ELAPOR1: variants seen among roughly 807,000 people sequenced by gnomAD.
The protein encoded by ELAPOR1 is endosome/lysosome-associated apoptosis and autophagy regulator 1.
In ELAPOR1, 77 loss-of-function variants were observed where a neutral mutation model predicts 119.7. The observed-to-expected ratio is 0.64, with a 90% confidence interval of 0.54 to 0.78. The LOEUF is 0.78. ELAPOR1 is among the 30% of genes least tolerant of loss of function. ELAPOR1 has a pLI of 0.00. For missense variants in ELAPOR1, 1,115 were observed against 1,270.4 expected (o/e 0.88, Z 1.86); for synonymous variants, 481 against 487.2 (o/e 0.99, Z 0.17).
intron 1 of ELAPOR1, among the ~76,000 whole-genome samples, chr1:109,150,445 G>A (rs1490628142): frequency 1.3e-5 from 2 of 152,214 alleles, no homozygotes; most frequent in Admixed American, 6.5e-5. Flanking sequence ...AGGCCGGCAG[G>A]ACTGGGGTCC....
Position 109,169,982 on chromosome 1 carries a change from T to C in ELAPOR1, c.468-1884T>C, listed in dbSNP as rs562161310. Among the ~76,000 whole-genome samples, 20 of 152,280 alleles carry C rather than the reference T, an allele frequency of 1.3e-4. No individual in the cohort carries two copies. The South Asian group carries it at 3.9e-3, about 30-fold the overall frequency. ...TATATGGCAGAGCCGTACAAAGGAA[T>C]GTTATGCAGTAGTAAAGACGAAGCC... On this transcript the variant is annotated intron_variant, in intron 3 of 21. Coordinates refer to ENST00000369939, the MANE Select transcript of ELAPOR1 (RefSeq NM_020775.5).
At chr1:109,182,006 C>T (rs1419456323) in intron 7 of ELAPOR1, among the ~76,000 whole-genome samples, 1 of 152,070 alleles carries the variant, frequency 6.6e-6, no homozygotes, top group Non-Finnish European at 1.5e-5. Flanking sequence ...ACCTTTAATC[C>T]TTATTCACTC....
intron 3 of ELAPOR1, among the ~76,000 whole-genome samples, chr1:109,167,734 C>T (rs10159093): frequency 0.14 from 21,921 of 152,160 alleles, 1,751 homozygotes; most frequent in Middle Eastern, 0.23. Context: ...CTCAACCTCC[C>T]GCGTAGCTGG....
At chr1:109,182,494 G>C (rs1340060599) in intron 7 of ELAPOR1, among the ~76,000 whole-genome samples, 1 of 152,052 alleles carries the variant, frequency 6.6e-6, no homozygotes, top group Non-Finnish European at 1.5e-5. Context: ...CTGAGGCTCA[G>C]AGAGGTTAAG....
At position 109,191,756 on chromosome 1, in the gene ELAPOR1, G is replaced by C; in HGVS notation, c.1576G>C (p.Glu526Gln). The change falls in exon 13 of 22, where the codon GAG becomes CAG. Residue 526 changes from glutamate (E) to glutamine (Q), a missense_variant. Glu to Gln is a conservative substitution (Grantham distance 29, BLOSUM62 2). Transcript: ENST00000369939. ...GAATTCTAGGACCAACACTCCTGTGGAGACGTGGAAAGGTTCCAAAGGCAA... is the reference window on the plus strand; with the variant it reads ...GAATTCTAGGACCAACACTCCTGTGCAGACGTGGAAAGGTTCCAAAGGCAA... ...GVNSRTNTPV[E>Q]TWKGSKGKQS... is the part of the protein sequence containing the mutation. 1 of 1,614,214 alleles carries C rather than the reference G, an allele frequency of 6.2e-7. No homozygotes were observed. Among genetic ancestry groups the C allele is most frequent in the Non-Finnish European group, 8.5e-7 (1 of 1,180,048 alleles).
intron 1 of ELAPOR1, among the ~76,000 whole-genome samples, chr1:109,151,872 CTTTTTT>C (rs550341597): frequency 8.3e-6 from 1 of 121,164 alleles, no homozygotes. Context: ...CAGCCTCATC[CTTTTTT>C]TTTTTTTTTT....
intron 1 of ELAPOR1, among the ~76,000 whole-genome samples, chr1:109,116,980 T>C (rs1648054330): frequency 6.6e-6 from 1 of 152,212 alleles, no homozygotes; most frequent in African/African-American, 2.4e-5. Flanking sequence ...CGTGAGTCAC[T>C]GTGCCCAGCC....
intron 1 of ELAPOR1, among the ~76,000 whole-genome samples, chr1:109,135,244 TTC>T (rs1441110028): frequency 1.3e-5 from 2 of 149,972 alleles, no homozygotes; most frequent in African/African-American, 4.9e-5. Flanking sequence ...GAATTCAAAT[TTC>T]TTTTTTTTTT....
intron 1 of ELAPOR1, among the ~76,000 whole-genome samples, chr1:109,152,153 C>A (rs1650571360): frequency 6.6e-6 from 1 of 152,156 alleles, no homozygotes; most frequent in African/African-American, 2.4e-5. Context: ...GGATTACAGG[C>A]GTGAGCCACT....
intron 7 of ELAPOR1, among the ~76,000 whole-genome samples, chr1:109,181,664 G>A (rs780951328): frequency 1.3e-5 from 2 of 152,240 alleles, no homozygotes; most frequent in Admixed American, 6.5e-5. Context: ...ACCTTCCCAC[G>A]TTTTCAGCCT....
At chr1:109,148,572 C>A (rs1443242815) in intron 1 of ELAPOR1, among the ~76,000 whole-genome samples, 1 of 152,196 alleles carries the variant, frequency 6.6e-6, no homozygotes, top group African/African-American at 2.4e-5. Context: ...ATTGCAGCTG[C>A]TCATATCTAT....
Position 109,197,454 on chromosome 1 carries a change from C to A in ELAPOR1, c.2122-20C>A. On this transcript the variant is annotated intron_variant, in intron 15 of 21. Transcript: ENST00000369939. ...GACCACTCACTTCTTCCTACTTCTT[C>A]CTCCCCACTCCCCAACCAGGGTAGG... 6.2e-7 allele frequency: 1 copy of A among 1,608,946 alleles called. No individual in the cohort carries two copies. Among genetic ancestry groups the A allele is most frequent in the Non-Finnish European group, 8.5e-7 (1 of 1,176,170 alleles).
intron 3 of ELAPOR1, among the ~76,000 whole-genome samples, chr1:109,169,059 T>C (rs1390941159): frequency 6.6e-6 from 1 of 152,178 alleles, no homozygotes; most frequent in Non-Finnish European, 1.5e-5. Flanking sequence ...GCATTAAAGG[T>C]TATCCCTTTC....
intron 1 of ELAPOR1, among the ~76,000 whole-genome samples, chr1:109,159,045 G>A (rs953207626): frequency 7.9e-5 from 12 of 152,010 alleles, no homozygotes; most frequent in Admixed American, 1.3e-4. Context: ...TTACAGGCGC[G>A]TGCCACCACA....
In ELAPOR1 at chr1:109,191,419, C is replaced by T. The variant is rs1653424840; in HGVS notation, c.1493C>T (p.Thr498Ile). ...DTENKEVARI[T>I]FVFETLCSVN... ...GAGAATAAAGAGGTGGCCAGAATCA[C>T]ATTTGTCTTTGAGACCCTCTGTTCT... is the stretch of plus-strand genomic sequence containing the variant. Residue 498 changes from threonine to isoleucine, a missense_variant, in exon 12 of 22, where the codon ACA becomes ATA. Thr to Ile is a moderately conservative substitution (Grantham distance 89). Coordinates refer to ENST00000369939, the MANE Select transcript of ELAPOR1 (RefSeq NM_020775.5). 3.1e-6 allele frequency: 5 copies of T among 1,614,196 alleles called. No individual in the cohort carries two copies. Among genetic ancestry groups the T allele is most frequent in the Non-Finnish European group, 4.2e-6 (5 of 1,180,016 alleles).
chr1:109,192,558 G>T (rs1570719983), intron 13 of ELAPOR1, 53 bp from the exon 14 acceptor site: 7 of 1,582,490 alleles, frequency 4.4e-6, no homozygotes, highest in Non-Finnish European at 6.0e-6. Context: ...GGCCTCAATT[G>T]TTGCTGCTGT....
chr1:109,196,590 CTA>C (rs1653806983), intron 15 of ELAPOR1, among the ~76,000 whole-genome samples: 2 of 150,648 alleles, frequency 1.3e-5, no homozygotes, highest in African/African-American at 4.9e-5. Flanking sequence ...CAAAAGAACT[CTA>C]TTTTATTGTA....
chr1:109,163,080 G>T (rs1651361587), intron 2 of ELAPOR1, among the ~76,000 whole-genome samples: 1 of 152,240 alleles, frequency 6.6e-6, no homozygotes, highest in Admixed American at 6.5e-5. Flanking sequence ...AGACATATAT[G>T]ATATGAGAAA....
At position 109,205,425 on chromosome 1, in the gene ELAPOR1, G is replaced by A. The variant is rs1209857046; in HGVS notation, c.*2413G>A. 1 of 152,274 alleles carries A rather than the reference G, an allele frequency of 6.6e-6. No individual in the cohort carries two copies. The highest frequency in any genetic ancestry group is 1.9e-4 in the East Asian group (1 of 5,202). 9.4% of individuals were successfully genotyped at this position (152,274 alleles called of 1,614,324 possible). A position where few individuals can be genotyped will look rare whatever the true frequency, so the allele number is the denominator to read the frequency against. On this transcript the variant is annotated 3_prime_UTR_variant, in exon 22 of 22. Coordinates refer to ENST00000369939, the MANE Select transcript of ELAPOR1 (RefSeq NM_020775.5). ...AGGCTGTGGTCCCTGGCCATCAACA[G>A]TGTTGGTGACGGCAGGGAGTCCCTT...
Sources: gnomAD v4.1 joint callset for allele counts (sites outside exome capture counted in the v4.1 genomes callset) on GRCh38, gnomAD v4.1.1 for gene constraint, MANE v1.5 for transcripts, NCBI Gene and HGNC (gene_info 2026-07-23, HGNC 2026-07-21) for gene names.